The following DCDC1 variants were observed in gnomAD, a reference collection of about 807,000 sequenced individuals.
DCDC1 encodes the protein doublecortin domain containing 1.
Under a neutral mutation model 178.3 loss-of-function variants are expected in DCDC1, and 200 were observed. The ratio of observed to expected loss-of-function variants is 1.12; its 90% CI spans 1.00 to 1.26. The LOEUF is 1.26. DCDC1 is among the 50% of genes most tolerant of loss of function. The probability of loss-of-function intolerance (pLI) is 0.00; values close to 1 mark genes in which losing one functional copy is unlikely to be tolerated. For missense variants in DCDC1, 1,983 were observed against 1,749.2 expected (o/e 1.13, Z -2.38); for synonymous variants, 690 against 604.8 (o/e 1.14, Z -2.07).
At chr11:30,885,409 A>C (rs560165142) in intron 36 of DCDC1, among the ~76,000 whole-genome samples, 1 of 152,170 alleles carries the variant, frequency 6.6e-6, no homozygotes, top group South Asian at 2.1e-4. Context: ...AACTCCATAG[A>C]CACAATAGTA....
At chr11:31,332,807 G>C (rs963904428) in intron 2 of DCDC1, among the ~76,000 whole-genome samples, 2 of 152,104 alleles carry the variant, frequency 1.3e-5, no homozygotes, top group African/African-American at 4.8e-5. Flanking sequence ...CCAACTATGT[G>C]GTCAATTTTG....
intron 1 of DCDC1, among the ~76,000 whole-genome samples, chr11:31,353,038 C>A (rs754794512): frequency 1.4e-4 from 21 of 152,184 alleles, no homozygotes; most frequent in Non-Finnish European, 2.1e-4. Flanking sequence ...CAAACACACA[C>A]AACACACATT....
At chr11:30,985,804 A>G (rs1950610023) in intron 20 of DCDC1, among the ~76,000 whole-genome samples, 1 of 152,196 alleles carries the variant, frequency 6.6e-6, no homozygotes, top group Non-Finnish European at 1.5e-5. Flanking sequence ...AGAGAGGACC[A>G]TGAGAACATG....
chr11:31,335,591 C>T (rs1262374709), intron 1 of DCDC1, 27 bp from the exon 2 acceptor site: 1 of 152,210 alleles, frequency 6.6e-6, no homozygotes, highest in Admixed American at 6.5e-5. Flanking sequence ...CACACACAGA[C>T]AATCTAATTT....
intron 8 of DCDC1, among the ~76,000 whole-genome samples, chr11:31,245,076 T>C (rs375860264): frequency 2.0e-5 from 3 of 151,666 alleles, no homozygotes; most frequent in Admixed American, 6.6e-5. Context: ...TTTCCCCACC[T>C]ATTAATATAT....
chr11:31,087,585 C>A (rs1483659793), intron 17 of DCDC1, among the ~76,000 whole-genome samples: 1 of 151,868 alleles, frequency 6.6e-6, no homozygotes, highest in South Asian at 2.1e-4. Flanking sequence ...ATTTTGATGC[C>A]TTCTTTGATT....
chr11:31,200,296 A>C (rs1971137301), intron 9 of DCDC1, among the ~76,000 whole-genome samples: 1 of 152,118 alleles, frequency 6.6e-6, no homozygotes. Context: ...ACATCAGAAG[A>C]TACTGCCTTG....
chr11:31,075,006 G>C (rs1956782916), intron 18 of DCDC1, among the ~76,000 whole-genome samples: 1 of 152,114 alleles, frequency 6.6e-6, no homozygotes, highest in Non-Finnish European at 1.5e-5. Flanking sequence ...TCCATCACTT[G>C]AATGATATAT....
chr11:30,898,769 G>A (rs933460988), intron 34 of DCDC1, among the ~76,000 whole-genome samples: 5 of 152,176 alleles, frequency 3.3e-5, no homozygotes, highest in Middle Eastern at 3.2e-3. Flanking sequence ...AATGCAGTTA[G>A]GACTAGTTCT....
chr11:31,058,295 T>G (rs1178102764), intron 20 of DCDC1, among the ~76,000 whole-genome samples: 1 of 152,094 alleles, frequency 6.6e-6, no homozygotes, highest in East Asian at 1.9e-4. Context: ...TACCCCTTCA[T>G]TCATTTCTTT....
chr11:31,004,001 T>C (rs571720684), intron 20 of DCDC1, among the ~76,000 whole-genome samples: 2 of 152,202 alleles, frequency 1.3e-5, no homozygotes, highest in Non-Finnish European at 2.9e-5. Flanking sequence ...CTGGTGATGC[T>C]GTTCACTGAG....
intron 12 of DCDC1, among the ~76,000 whole-genome samples, chr11:31,108,681 T>C (rs1264001404): frequency 2.6e-5 from 4 of 152,174 alleles, no homozygotes; most frequent in East Asian, 1.9e-4. Flanking sequence ...AGGAGTTGCA[T>C]TGCAATCTCT....
chr11:31,127,445 T>C (rs747060956), intron 11 of DCDC1, 24 bp downstream of exon 11: 32 of 697,584 alleles, frequency 4.6e-5, no homozygotes, highest in Non-Finnish European at 7.6e-5. Context: ...CTGAATCCAA[T>C]GAGAGGCACA....
rs75260525 is a variant in DCDC1, at chr11:31,020,510, G to A, written c.2591+43959C>T. Among the ~76,000 whole-genome samples the A allele has an allele frequency of 3.4e-3, 524 of 152,264 alleles. 1 individual carries two copies. Among genetic ancestry groups the A allele is most frequent in the Non-Finnish European group, 5.3e-3 (359 of 68,016 alleles). On this transcript the variant is annotated intron_variant, in intron 20 of 38. Coordinates refer to ENST00000684477, the MANE Select transcript of DCDC1 (RefSeq NM_001387274.1). ...CTCTTAAACTCCCAAACTAAAAAAT[G>A]TAGAGGTAATCTTTGGCCACTTCTC... is the stretch of plus-strand genomic sequence containing the variant.
chr11:31,231,410 A>C (rs539351587), intron 9 of DCDC1, among the ~76,000 whole-genome samples: 1 of 152,268 alleles, frequency 6.6e-6, no homozygotes, highest in South Asian at 2.1e-4. Flanking sequence ...TTTTTACACC[A>C]CAAGGTGATA....
intron 25 of DCDC1, 112 bp from the exon 26 acceptor site, chr11:30,917,140 A>G: frequency 9.3e-7 from 1 of 1,071,838 alleles, no homozygotes; most frequent in Non-Finnish European, 1.3e-6. Context: ...GGATCTATAA[A>G]TCTTATTTCC....
chr11:31,332,850 A>G (rs562461408), intron 2 of DCDC1, among the ~76,000 whole-genome samples: 8 of 152,298 alleles, frequency 5.3e-5, no homozygotes, highest in African/African-American at 1.9e-4. Context: ...AGAAGAATGT[A>G]TATTCTGCTG....
At chr11:30,906,403 T>A in intron 30 of DCDC1, 137 bp downstream of exon 30, 1 of 833,032 alleles carries the variant, frequency 1.2e-6, no homozygotes, top group Non-Finnish European at 1.8e-6. Context: ...TCAATGCAGG[T>A]AGAATGGTAA....
In DCDC1 at chr11:31,270,161, A is replaced by T. The variant is rs191107398; in HGVS notation, c.961-4561T>A. Among the ~76,000 whole-genome samples, 13 of 152,356 alleles carry T rather than the reference A, an allele frequency of 8.5e-5. No homozygotes were observed. The East Asian group carries it at 2.5e-3, about 29-fold the overall frequency. On this transcript the variant is annotated intron_variant, in intron 7 of 38. Transcript: ENST00000684477. Reference sequence around the variant, plus strand: ...ACAGTCCAAAGGCCAATCCCAGTCCATAGCCTGTTTCTGTGTGGCCTATAG... The same window carrying T: ...ACAGTCCAAAGGCCAATCCCAGTCCTTAGCCTGTTTCTGTGTGGCCTATAG...
Sources: gnomAD v4.1 joint callset for allele counts (sites outside exome capture counted in the v4.1 genomes callset) on GRCh38, gnomAD v4.1.1 for gene constraint, MANE v1.5 for transcripts, NCBI Gene and HGNC (gene_info 2026-07-23, HGNC 2026-07-21) for gene names.